NMNAT1: variants seen among roughly 807,000 people sequenced by gnomAD.
NMNAT1 encodes nicotinamide nucleotide adenylyltransferase 1, also known as nicotinamide/nicotinic acid mononucleotide adenylyltransferase 1.
A neutral mutation model predicts 16.7 loss-of-function variants in NMNAT1; 11 were observed. That is an observed-to-expected ratio of 0.66 (90% CI 0.41 to 1.09). The LOEUF is 1.09. NMNAT1 is among the 50% of genes least tolerant of loss of function. The pLI, the probability that NMNAT1 is intolerant of heterozygous loss-of-function variation, is 0.00. For synonymous variants in NMNAT1, 110 were observed against 119.8 expected, an observed-to-expected ratio of 0.92 and a Z score of 0.53; for missense variants, 280 against 332.3, an observed-to-expected ratio of 0.84 and a Z score of 1.22.
chr1:9,972,231 C>T (rs766588579), intron 2 of NMNAT1, 43 bp downstream of exon 2: 1 of 1,052,920 alleles, frequency 9.5e-7, no homozygotes, highest in Non-Finnish European at 1.5e-6. Flanking sequence ...AGAGAACCAG[C>T]CGGGTGCAGT....
downstream of NMNAT1, among the ~76,000 whole-genome samples, chr1:9,987,406 C>G (rs1192889703): frequency 6.6e-6 from 1 of 151,692 alleles, no homozygotes; most frequent in Non-Finnish European, 1.5e-5. Context: ...TTTGGGAGGC[C>G]GAGGAGGGCA....
rs972022402 is a variant in NMNAT1, at chr1:9,984,846, G to T, written c.*2145G>T. On this transcript the variant is annotated 3_prime_UTR_variant, in exon 5 of 5. Transcript: ENST00000377205. ...ACAGCAGGCCTTTCAGATAAGAGAA[G>T]TGGCTTTTCCTTGGTGATGAAGGGG... 1.3e-5 allele frequency: 2 copies of T among 152,180 alleles called. No individual in the cohort carries two copies. The highest frequency in any genetic ancestry group is 4.2e-4 in the South Asian group (2 of 4,818). The allele number at this position is 152,180 out of a possible 1,614,324, so 9.4% of individuals were successfully genotyped here.
the NMNAT1 span, among the ~76,000 whole-genome samples, chr1:9,996,309 CAAAAAA>C: frequency 2.0e-5 from 2 of 101,916 alleles, no homozygotes; most frequent in African/African-American, 3.8e-5. Flanking sequence ...GACTCCGTCT[CAAAAAA>C]AAAAAAAAAA....
intron 1 of NMNAT1, among the ~76,000 whole-genome samples, chr1:9,964,642 T>C (rs1641499130): frequency 1.3e-5 from 2 of 151,980 alleles, no homozygotes; most frequent in African/African-American, 2.4e-5. Flanking sequence ...TATATTTCTA[T>C]GTTAATTATA....
intron 1 of NMNAT1, among the ~76,000 whole-genome samples, chr1:9,962,927 C>T (rs899129093): frequency 5.9e-5 from 9 of 152,026 alleles, no homozygotes; most frequent in African/African-American, 2.2e-4. Flanking sequence ...GTGATCCGCC[C>T]GTCTCGGCCT....
At chr1:9,967,995 A>T (rs981082933) in intron 1 of NMNAT1, among the ~76,000 whole-genome samples, 11 of 151,790 alleles carry the variant, frequency 7.2e-5, no homozygotes, top group Admixed American at 1.3e-4. Flanking sequence ...AAAACAAAAG[A>T]CAATTCTAGT....
At position 9,975,620 on chromosome 1, in the gene NMNAT1, C is replaced by G. The variant is rs1243021116; in HGVS notation, c.144C>G (p.Ile48Met). 1.9e-6 allele frequency: 3 copies of G among 1,613,334 alleles called. No individual in the cohort carries two copies. The highest frequency in any genetic ancestry group is 2.5e-6 in the Non-Finnish European group (3 of 1,179,776). Reference sequence around the variant, plus strand: ...GGTACACAGTTGTCAAAGGCATCATCTCTCCTGTTGGTGATGCCTACAAGA... The same window carrying G: ...GGTACACAGTTGTCAAAGGCATCATGTCTCCTGTTGGTGATGCCTACAAGA... ...TGRYTVVKGI[I>M]SPVGDAYKKK... The change falls in exon 3 of 5, where the codon ATC (isoleucine) becomes ATG (methionine). Residue 48 changes from isoleucine to methionine, a missense_variant. Coordinates refer to ENST00000377205, the MANE Select transcript of NMNAT1 (RefSeq NM_022787.4).
intron 1 of NMNAT1, among the ~76,000 whole-genome samples, chr1:9,949,444 C>T (rs1398161533): frequency 8.4e-6 from 1 of 118,818 alleles, no homozygotes; most frequent in Admixed American, 1.1e-4. Flanking sequence ...GAGTTTCACT[C>T]TGTCACCCAG....
intron 2 of NMNAT1, among the ~76,000 whole-genome samples, chr1:9,974,475 G>A (rs553195943): frequency 3.3e-5 from 5 of 150,050 alleles, no homozygotes; most frequent in East Asian, 2.0e-4. Flanking sequence ...TGCAAACTCC[G>A]CCTCCCAGGC....
At chr1:9,966,334 C>T (rs779153496) in intron 1 of NMNAT1, among the ~76,000 whole-genome samples, 5 of 143,694 alleles carry the variant, frequency 3.5e-5, no homozygotes, top group Non-Finnish European at 6.1e-5. Flanking sequence ...TATTATTGAC[C>T]GGGCGCGGTG....
Position 9,981,138 on chromosome 1 carries a change from G to A in NMNAT1, c.407G>A (p.Ser136Asn). The A allele has an allele frequency of 1.2e-6, 2 of 1,613,234 alleles. No individual in the cohort carries two copies. The highest frequency in any genetic ancestry group is 8.5e-7 in the Non-Finnish European group (1 of 1,179,726). ...KRKWTETQDS[S>N]QKKSLEPKTK... Reference sequence around the variant, plus strand: ...AAGTGGACTGAAACACAAGATTCTAGTCAAAAGAAATCCCTAGAGCCAAAA... The same window carrying A: ...AAGTGGACTGAAACACAAGATTCTAATCAAAAGAAATCCCTAGAGCCAAAA... The change falls in exon 4 of 5, where the codon AGT (serine) becomes AAT (asparagine). Residue 136 changes from serine to asparagine, a missense_variant. Ser to Asn is a conservative substitution (Grantham distance 46). Transcript: ENST00000377205.
chr1:9,992,922 A>C, the NMNAT1 span, among the ~76,000 whole-genome samples: 1 of 152,040 alleles, frequency 6.6e-6, no homozygotes, highest in Admixed American at 6.6e-5. Flanking sequence ...AAAAAAGAAG[A>C]AAAAGAAAAG....
the NMNAT1 span, among the ~76,000 whole-genome samples, chr1:9,995,637 T>C: frequency 6.6e-6 from 1 of 151,670 alleles, no homozygotes; most frequent in African/African-American, 2.4e-5. Flanking sequence ...GAGGTTGCAG[T>C]GAGCCAAGAT....
At chr1:9,967,117 A>G (rs1263190674) in intron 1 of NMNAT1, among the ~76,000 whole-genome samples, 3 of 151,976 alleles carry the variant, frequency 2.0e-5, no homozygotes, top group African/African-American at 7.2e-5. Flanking sequence ...CCAGCTACTC[A>G]GGAGGGTGAG....
downstream of NMNAT1, among the ~76,000 whole-genome samples, chr1:9,990,195 T>C (rs1284782014): frequency 6.6e-6 from 1 of 152,220 alleles, no homozygotes; most frequent in African/African-American, 2.4e-5. Context: ...CGGACATCTA[T>C]ACTCAGAAGT....
chr1:9,964,058 A>G (rs1221395242), intron 1 of NMNAT1, among the ~76,000 whole-genome samples: 1 of 151,452 alleles, frequency 6.6e-6, no homozygotes, highest in Non-Finnish European at 1.5e-5. Flanking sequence ...CACCTGGCTA[A>G]TTTTTATACT....
chr1:9,972,494 CAAA>C (rs34232396), intron 2 of NMNAT1: 5 of 143,202 alleles, frequency 3.5e-5, no homozygotes, highest in Non-Finnish European at 3.0e-5. Context: ...GACACCATCT[CAAA>C]AAAAAAAAAA....
rs560928692 is a variant in NMNAT1 at position 9,970,153 on chromosome 1, G to T, written c.-56-1865G>T. ...GCAGTTTGGGAGAAGGTAGTCAAAG[G>T]GTATGAGGGCTAATCTTTATAGATC... On this transcript the variant is annotated intron_variant, in intron 1 of 4. Transcript: ENST00000377205. Among the ~76,000 whole-genome samples, 147 of 152,176 alleles carry T rather than the reference G, an allele frequency of 9.7e-4. 2 individuals are homozygous for T. In the South Asian group the frequency reaches 0.015, roughly 15 times the overall value.
chr1:9,968,646 C>T (rs1171969627), intron 1 of NMNAT1, among the ~76,000 whole-genome samples: 1 of 149,350 alleles, frequency 6.7e-6, no homozygotes, highest in Admixed American at 6.8e-5. Context: ...TGGCGGGCAC[C>T]TATAGTCCCA....
Sources: gnomAD v4.1 joint callset for allele counts (sites outside exome capture counted in the v4.1 genomes callset) on GRCh38, gnomAD v4.1.1 for gene constraint, MANE v1.5 for transcripts, NCBI Gene and HGNC (gene_info 2026-07-23, HGNC 2026-07-21) for gene names.